The following PCSK6 variants were observed in gnomAD, a reference collection of about 807,000 sequenced individuals.
PCSK6 encodes paired basic amino acid cleaving enzyme 4.
PCSK6 carries 85 observed loss-of-function variants against 123.3 expected under a neutral mutation model. That is an observed-to-expected ratio of 0.69 (90% CI 0.58 to 0.83). The LOEUF is 0.83. Among genes scored for constraint, PCSK6 ranks in the 40% least tolerant of loss-of-function variants. The pLI, the probability that PCSK6 is intolerant of heterozygous loss-of-function variation, is 0.00. For missense variants in PCSK6, 1,191 were observed against 1,282.3 expected (o/e 0.93, Z 1.09); for synonymous variants, 508 against 516.0 (o/e 0.98, Z 0.21).
intron 13 of PCSK6, among the ~76,000 whole-genome samples, chr15:101,339,808 G>A (rs2040558062): frequency 6.6e-6 from 1 of 152,054 alleles, no homozygotes; most frequent in Non-Finnish European, 1.5e-5. Context: ...CCATTCAGGA[G>A]GCTGAGTTGG....
At chr15:101,471,565 T>C (rs1258441423) in intron 1 of PCSK6, among the ~76,000 whole-genome samples, 1 of 152,246 alleles carries the variant, frequency 6.6e-6, no homozygotes, top group African/African-American at 2.4e-5. Flanking sequence ...TAAACTGCAG[T>C]ATCAGTACAC....
At chr15:101,420,788 C>T (rs2141087027) in intron 6 of PCSK6, among the ~76,000 whole-genome samples, 1 of 152,284 alleles carries the variant, frequency 6.6e-6, no homozygotes, top group Non-Finnish European at 1.5e-5. Context: ...CATCAGGGAC[C>T]AGTGACCGCA....
chr15:101,369,924 T>C (rs2904606), intron 12 of PCSK6, among the ~76,000 whole-genome samples: 58,843 of 152,070 alleles, frequency 0.39, 12,467 homozygotes, highest in African/African-American at 0.54. Flanking sequence ...GGAGAGCTGG[T>C]GGGGGGACAA....
intron 1 of PCSK6, 143 bp downstream of exon 1, chr15:101,489,231 G>T: frequency 2.6e-6 from 1 of 379,896 alleles, no homozygotes; most frequent in Non-Finnish European, 3.4e-6. Context: ...CGCCCCGGCC[G>T]CCCGCCGTCC....
At chr15:101,360,386 A>G (rs1034002438) in intron 13 of PCSK6, among the ~76,000 whole-genome samples, 4 of 152,102 alleles carry the variant, frequency 2.6e-5, no homozygotes, top group African/African-American at 7.2e-5. Flanking sequence ...TCTGGTCCCT[A>G]TGCTCTCAAT....
At chr15:101,370,652 C>G in intron 11 of PCSK6, 129 bp from the exon 12 acceptor site, 1 of 776,508 alleles carries the variant, frequency 1.3e-6, no homozygotes, top group Non-Finnish European at 1.8e-6. Flanking sequence ...CCCGGGGAGC[C>G]GCAGCAGCCT....
rs199760236 is a variant in PCSK6 at position 101,324,944 on chromosome 15, C to T, written c.2283G>A (p.Ala761=). 811 of 1,613,432 alleles carry T rather than the reference C, an allele frequency of 5.0e-4. 2 individuals carry two copies. Among genetic ancestry groups the T allele is most frequent in the Non-Finnish European group, 6.4e-4 (755 of 1,179,880 alleles). Residue 761 remains alanine, a synonymous_variant, in exon 17 of 22, where the codon GCG becomes GCA. Transcript: ENST00000611716. ...KGCETCSSRA[A]TQCLSCRRGF... is the part of the protein sequence containing the mutation. ...CGCGGCGGCAAGACAGGCACTGCGT[C>T]GCAGCTCTGCTGGAGCAGGTCTCAC...
intron 12 of PCSK6, among the ~76,000 whole-genome samples, chr15:101,367,138 C>T (rs982026017): frequency 6.6e-6 from 1 of 152,174 alleles, no homozygotes; most frequent in Non-Finnish European, 1.5e-5. Context: ...GAAGGTCTTT[C>T]CCAACTGTAC....
intron 1 of PCSK6, 133 bp from the exon 2 acceptor site, chr15:101,443,793 G>T: frequency 1.5e-6 from 1 of 684,566 alleles, no homozygotes; most frequent in Non-Finnish European, 2.6e-6. Context: ...CCATCACCCT[G>T]CTCCTCATAT....
chr15:101,407,905 C>T (rs1219550171), intron 6 of PCSK6, among the ~76,000 whole-genome samples: 1 of 152,260 alleles, frequency 6.6e-6, no homozygotes, highest in Non-Finnish European at 1.5e-5. Context: ...ACAGGTCTCT[C>T]TTTGATAATC....
chr15:101,336,375 C>T (rs2040476798), intron 13 of PCSK6, among the ~76,000 whole-genome samples: 1 of 152,212 alleles, frequency 6.6e-6, no homozygotes, highest in Non-Finnish European at 1.5e-5. Flanking sequence ...CACGTCATTT[C>T]AGCTGTGTGC....
At chr15:101,485,312 A>C (rs1169239852) in intron 1 of PCSK6, among the ~76,000 whole-genome samples, 1 of 152,064 alleles carries the variant, frequency 6.6e-6, no homozygotes, top group East Asian at 1.9e-4. Context: ...TTAGTGATTT[A>C]TAGTTTTCAA....
chr15:101,324,721 A>G (rs1450606834), intron 17 of PCSK6, 129 bp downstream of exon 17: 6 of 754,380 alleles, frequency 8.0e-6, no homozygotes, highest in East Asian at 2.6e-5. Context: ...TTCCCTGTTC[A>G]AAGTCCTTAC....
chr15:101,373,860 C>T (rs1036770284), intron 11 of PCSK6, among the ~76,000 whole-genome samples: 1 of 152,208 alleles, frequency 6.6e-6, no homozygotes, highest in Non-Finnish European at 1.5e-5. Context: ...ATCACTGTCA[C>T]GTGAATACAC....
chr15:101,421,163 C>T (rs560734859), intron 6 of PCSK6, among the ~76,000 whole-genome samples: 9 of 152,220 alleles, frequency 5.9e-5, no homozygotes, highest in South Asian at 2.1e-4. Context: ...GCAGGCTGTT[C>T]GGGAACTCCT....
At chr15:101,319,823 G>A (rs941103897) in intron 18 of PCSK6, among the ~76,000 whole-genome samples, 1 of 152,162 alleles carries the variant, frequency 6.6e-6, no homozygotes, top group Non-Finnish European at 1.5e-5. Flanking sequence ...CTCACCCTCC[G>A]CATCTCTTCA....
At chr15:101,359,235 C>A (rs1386874382) in intron 13 of PCSK6, among the ~76,000 whole-genome samples, 2 of 152,140 alleles carry the variant, frequency 1.3e-5, no homozygotes, top group Non-Finnish European at 2.9e-5. Context: ...AGAATGTGTC[C>A]CCGCCCCCCA....
At chr15:101,386,773 T>C (rs1440388291) in intron 9 of PCSK6, among the ~76,000 whole-genome samples, 1 of 152,256 alleles carries the variant, frequency 6.6e-6, no homozygotes, top group Non-Finnish European at 1.5e-5. Flanking sequence ...CGTTCAGCTG[T>C]TGTGAACCAT....
chr15:101,398,299 C>T lies in PCSK6; in HGVS notation c.996+105G>A. On this transcript the variant is annotated intron_variant, in intron 7 of 21. Transcript: ENST00000611716. This position sits in a 1 kb window ranked among gnomAD's most constrained non-coding sequence, Gnocchi z 4.6. ...TGGCACCTGTCACAGCAGAGTCTTC[C>T]CTGTCTTGTTTCAGGGCTGTGGCCA... The T allele has an allele frequency of 7.3e-7, 1 of 1,367,560 alleles. No homozygotes were observed. The highest frequency in any genetic ancestry group is 1.0e-6 in the Non-Finnish European group (1 of 1,002,940). 84.7% of individuals were successfully genotyped at this position (1,367,560 alleles called of 1,614,324 possible).
Sources: gnomAD v4.1 joint callset for allele counts (sites outside exome capture counted in the v4.1 genomes callset) on GRCh38, gnomAD v4.1.1 for gene constraint, Gnocchi (gnomAD v3.1) non-coding constraint, MANE v1.5 for transcripts, NCBI Gene and HGNC (gene_info 2026-07-23, HGNC 2026-07-21) for gene names.